Variants in KAZN observed in about 807,000 individuals in gnomAD.
KAZN encodes kazrin.
A neutral mutation model predicts 87.4 loss-of-function variants in KAZN; 40 were observed. The ratio of observed to expected loss-of-function variants is 0.46; its 90% CI spans 0.36 to 0.60. The LOEUF is 0.60. Among genes scored for constraint, KAZN ranks in the 20% least tolerant of loss-of-function variants. The pLI is 0.00. For synonymous variants in KAZN, 466 were observed against 458.3 expected, an observed-to-expected ratio of 1.02 and a Z score of -0.22; for missense variants, 898 against 1,073.9, an observed-to-expected ratio of 0.84 and a Z score of 2.29.
chr1:14,053,189 A>C (rs1430801625), intron 1 of KAZN, among the ~76,000 whole-genome samples: 4 of 152,212 alleles, frequency 2.6e-5, no homozygotes. Context: ...TTGAAGAAGC[A>C]AGTGGCCATG....
At chr1:14,528,748 C>CAAA (rs36033087) in intron 2 of KAZN, among the ~76,000 whole-genome samples, 1,526 of 66,870 alleles carry the variant, frequency 0.023, 27 homozygotes, top group Non-Finnish European at 0.034. Flanking sequence ...GACCCTGTCT[C>CAAA]AAAAAAAAAA....
intron 1 of KAZN, among the ~76,000 whole-genome samples, chr1:14,677,618 T>A (rs1640305153): frequency 1.3e-5 from 2 of 152,252 alleles, no homozygotes; most frequent in South Asian, 4.2e-4. Context: ...ATCCCAGGGT[T>A]CCTCTGGGAA....
At chr1:14,592,845 T>C (rs1557821616) in intron 2 of KAZN, among the ~76,000 whole-genome samples, 1 of 152,232 alleles carries the variant, frequency 6.6e-6, no homozygotes, top group South Asian at 2.1e-4. Flanking sequence ...TACGGATTCC[T>C]GGAATCCAGG....
At chr1:14,199,129 C>T (rs935390774) in intron 2 of KAZN, among the ~76,000 whole-genome samples, 1 of 152,186 alleles carries the variant, frequency 6.6e-6, no homozygotes, top group South Asian at 2.1e-4. Context: ...TCCTTACTGA[C>T]ATTGCAAGTC....
chr1:14,507,833 G>A (rs1157403066), intron 2 of KAZN, among the ~76,000 whole-genome samples: 1 of 152,042 alleles, frequency 6.6e-6, no homozygotes, highest in African/African-American at 2.4e-5. Flanking sequence ...CGGGCACGGT[G>A]ACGGGTGCCT....
At position 14,365,374 on chromosome 1, in the gene KAZN, G is replaced by C. The variant is rs867250908; in HGVS notation, c.249+184782G>C. 2.3e-3 allele frequency among the ~76,000 whole-genome samples: 353 copies of C among 150,570 alleles called. 4 individuals carry two copies. Among genetic ancestry groups the C allele is most frequent in the African/African-American group, 8.1e-3 (332 of 41,120 alleles). On this transcript the variant is annotated intron_variant, in intron 2 of 16. Coordinates refer to the KAZN transcript ENST00000636203. ...CCACCCCCTCCCCCCGGGGTGGGGGGGGGGGGGGTCTTTCAAGGTCACCAG... is the reference window on the plus strand; with the variant it reads ...CCACCCCCTCCCCCCGGGGTGGGGGCGGGGGGGGTCTTTCAAGGTCACCAG...
chr1:14,790,097 G>A (rs1163997354), intron 1 of KAZN, among the ~76,000 whole-genome samples: 2 of 151,932 alleles, frequency 1.3e-5, no homozygotes, highest in Admixed American at 6.6e-5. Context: ...CCGCCTCCCA[G>A]GTTCAAGCAA....
chr1:14,550,730 T>TCC, intron 2 of KAZN, among the ~76,000 whole-genome samples: 1 of 84,412 alleles, frequency 1.2e-5, no homozygotes, highest in Non-Finnish European at 2.8e-5. Context: ...TCTCTCTCTC[T>TCC]CTCTCTCTCC....
At chr1:15,059,829 G>T (rs1638627659) in intron 5 of KAZN, among the ~76,000 whole-genome samples, 1 of 152,166 alleles carries the variant, frequency 6.6e-6, no homozygotes, top group South Asian at 2.1e-4. Flanking sequence ...GCTTAGAAAT[G>T]AATTTATAAA....
intron 1 of KAZN, among the ~76,000 whole-genome samples, chr1:14,696,296 A>T (rs1022234044): frequency 6.6e-6 from 1 of 152,210 alleles, no homozygotes; most frequent in African/African-American, 2.4e-5. Context: ...ACGGTGTGCT[A>T]ACAGATTGGC....
intron 2 of KAZN, among the ~76,000 whole-genome samples, chr1:14,992,088 G>T (rs1365359567): frequency 6.6e-6 from 1 of 152,128 alleles, no homozygotes; most frequent in Non-Finnish European, 1.5e-5. Flanking sequence ...GCATGACAGT[G>T]AGTGCCCTGC....
chr1:14,528,739 A>G (rs1571869745), intron 2 of KAZN, among the ~76,000 whole-genome samples: 1 of 125,540 alleles, frequency 8.0e-6, no homozygotes, highest in South Asian at 2.5e-4. Flanking sequence ...ACAGAGCGAG[A>G]CCCTGTCTCA....
At chr1:13,929,384 G>C (rs1570307366) in intron 1 of KAZN, among the ~76,000 whole-genome samples, 1 of 152,282 alleles carries the variant, frequency 6.6e-6, no homozygotes, top group African/African-American at 2.4e-5. Flanking sequence ...GACTCCCACT[G>C]TGCGCTCTTC....
At chr1:14,132,548 A>G (rs1645013463) in intron 1 of KAZN, among the ~76,000 whole-genome samples, 1 of 152,200 alleles carries the variant, frequency 6.6e-6, no homozygotes, top group South Asian at 2.1e-4. Flanking sequence ...ACTACATGAA[A>G]TGAGAATGGA....
intron 1 of KAZN, among the ~76,000 whole-genome samples, chr1:14,777,070 G>A (rs1053466090): frequency 1.3e-5 from 2 of 152,092 alleles, no homozygotes; most frequent in Non-Finnish European, 2.9e-5. Context: ...GCGCAATCTC[G>A]GCTCACTGCA....
At chr1:14,217,518 G>GA (rs1646984675) in intron 2 of KAZN, among the ~76,000 whole-genome samples, 2 of 151,916 alleles carry the variant, frequency 1.3e-5, no homozygotes, top group South Asian at 4.1e-4. Context: ...GATAAAAATG[G>GA]AAATTTTTTT....
chr1:14,611,281 T>C (rs1303884757), intron 1 of KAZN, among the ~76,000 whole-genome samples: 1 of 152,240 alleles, frequency 6.6e-6, no homozygotes, highest in Non-Finnish European at 1.5e-5. Flanking sequence ...CTTCTGGGCT[T>C]TCCCAACTTC....
In KAZN at chr1:14,521,917, G is replaced by A. The variant is rs146663564; in HGVS notation, c.250-77066G>A. ...GCACCATAGGAAAAAATTCATTTTC[G>A]GAGACATCAGCACATTTCAGTGAGT... On this transcript the variant is annotated intron_variant, in intron 2 of 16. Transcript: ENST00000636203. Among the ~76,000 whole-genome samples the A allele has an allele frequency of 5.2e-3, 796 of 152,150 alleles. 9 individuals carry two copies. The highest frequency in any genetic ancestry group is 0.018 in the African/African-American group (757 of 41,516).
At position 14,332,576 on chromosome 1, in the gene KAZN, A is replaced by G. The variant is rs112130147; in HGVS notation, c.249+151984A>G. On this transcript the variant is annotated intron_variant, in intron 2 of 16. Coordinates refer to the KAZN transcript ENST00000636203. ...AGTTGTTTTATTTTTTTGTGCTCTC[A>G]TGCCCCAGCCTGGACATAATTCCTT... 3.9e-3 allele frequency among the ~76,000 whole-genome samples: 598 copies of G among 152,164 alleles called. 3 individuals are homozygous for G. The highest frequency in any genetic ancestry group is 0.014 in the African/African-American group (565 of 41,506).
Sources: allele counts gnomAD v4.1 joint callset (sites outside exome capture counted in the v4.1 genomes callset), GRCh38; gene constraint gnomAD v4.1.1; transcripts MANE v1.5; gene names NCBI Gene and HGNC (gene_info 2026-07-23, HGNC 2026-07-21).